HIVEP1: variants seen among roughly 807,000 people sequenced by gnomAD.
The protein encoded by HIVEP1 is HIVEP zinc finger 1.
In HIVEP1, 36 loss-of-function variants were observed where a neutral mutation model predicts 180.0. The observed-to-expected ratio is 0.20, with a 90% confidence interval of 0.15 to 0.26. The LOEUF is 0.26. HIVEP1 is among the 10% of genes least tolerant of loss of function. HIVEP1 has a pLI of 1.00. For missense variants in HIVEP1, 3,143 were observed against 3,268.7 expected, an observed-to-expected ratio of 0.96 and a Z score of 0.94; for synonymous variants, 1,239 against 1,239.0, an observed-to-expected ratio of 1.00 and a Z score of 0.00.
intron 2 of HIVEP1, among the ~76,000 whole-genome samples, chr6:12,036,686 C>G (rs1338807476): frequency 6.6e-6 from 1 of 152,146 alleles, no homozygotes; most frequent in African/African-American, 2.4e-5. Context: ...GGTGGATCAC[C>G]TGAGGTCAGG....
Position 12,062,741 on chromosome 6 carries a change from A to T in HIVEP1, c.41-26443A>T, listed in dbSNP as rs148138099. Among the ~76,000 whole-genome samples the T allele has an allele frequency of 1.6e-4, 24 of 152,298 alleles. No homozygotes were observed. The East Asian group carries it at 3.7e-3, about 23-fold the overall frequency. ...GTAACTGAGGTTTGGCTTATAAGTA[A>T]CTTGCTCAATGTCATAAAGATAAGA... On this transcript the variant is annotated intron_variant, in intron 2 of 8. Coordinates refer to ENST00000379388, the MANE Select transcript of HIVEP1 (RefSeq NM_002114.4).
Position 12,122,558 on chromosome 6 carries a change from G to C in HIVEP1, c.2763G>C (p.Glu921Asp), listed in dbSNP as rs981429647. Residue 921 changes from glutamate (E) to aspartate (D), a missense_variant, in exon 4 of 9, where the codon GAG becomes GAC. By Grantham distance (45) the Glu-to-Asp change is conservative (BLOSUM62 2). Transcript: ENST00000379388. ...TTGGTACTGGACAGTCCCTGGATGAGAGCCACCAAGGATGCCATGCTGCTG... is the reference window on the plus strand; with the variant it reads ...TTGGTACTGGACAGTCCCTGGATGACAGCCACCAAGGATGCCATGCTGCTG... ...HVLGTGQSLD[E>D]SHQGCHAAGE... 8 of 1,614,216 alleles carry C rather than the reference G, an allele frequency of 5.0e-6. No individual in the cohort carries two copies. The highest frequency in any genetic ancestry group is 6.8e-6 in the Non-Finnish European group (8 of 1,180,042).
At chr6:12,209,349 C>G in the HIVEP1 span, among the ~76,000 whole-genome samples, 2 of 152,152 alleles carry the variant, frequency 1.3e-5, no homozygotes, top group African/African-American at 2.4e-5. Flanking sequence ...AGGAGAATGG[C>G]GTGAACCCGG....
Position 12,136,261 on chromosome 6 carries a change from C to A in HIVEP1, c.6487+369C>A, listed in dbSNP as rs56176879. Among the ~76,000 whole-genome samples the A allele has an allele frequency of 3.1e-3, 478 of 152,226 alleles. 3 individuals carry two copies. The highest frequency in any genetic ancestry group is 5.6e-3 in the South Asian group (27 of 4,824). On this transcript the variant is annotated intron_variant, in intron 7 of 8. Transcript: ENST00000379388. ...TTCTCATTTCTCTCTTTTACCTACC[C>A]TCATGCTTGAATTTCCTGCCTACTT... is the stretch of plus-strand genomic sequence containing the variant.
chr6:12,064,862 G>A (rs988038557), intron 2 of HIVEP1, among the ~76,000 whole-genome samples: 4 of 152,210 alleles, frequency 2.6e-5, no homozygotes, highest in African/African-American at 9.6e-5. Context: ...ATTTCCCAGT[G>A]GGCCTTCATG....
chr6:12,024,463 A>G (rs375731623), intron 2 of HIVEP1, among the ~76,000 whole-genome samples: 4 of 152,158 alleles, frequency 2.6e-5, no homozygotes, highest in African/African-American at 9.7e-5. Context: ...TAAGAGTTAC[A>G]CCTACTTAAT....
At chr6:12,030,836 C>T (rs893139327) in intron 2 of HIVEP1, among the ~76,000 whole-genome samples, 5 of 152,108 alleles carry the variant, frequency 3.3e-5, no homozygotes, top group African/African-American at 1.2e-4. Flanking sequence ...TTTCTTATTT[C>T]TCTTCATGTC....
chr6:12,151,227 T>G (rs759302310), intron 7 of HIVEP1, among the ~76,000 whole-genome samples: 31 of 152,238 alleles, frequency 2.0e-4, no homozygotes, highest in Non-Finnish European at 2.1e-4. Context: ...TGTGCTGATA[T>G]AAAATTTTAT....
At chr6:12,048,269 G>A (rs779055189) in intron 2 of HIVEP1, among the ~76,000 whole-genome samples, 3 of 152,240 alleles carry the variant, frequency 2.0e-5, no homozygotes, top group Non-Finnish European at 4.4e-5. Flanking sequence ...CGCGGCAGCA[G>A]GGTATGTCAA....
upstream of HIVEP1, among the ~76,000 whole-genome samples, chr6:12,009,414 C>G (rs192083931): frequency 2.0e-5 from 3 of 152,304 alleles, no homozygotes; most frequent in East Asian, 5.8e-4. Context: ...GCTCCAGAAG[C>G]GTTCACGCGG....
chr6:12,186,257 A>G, the HIVEP1 span, among the ~76,000 whole-genome samples: 1 of 150,692 alleles, frequency 6.6e-6, no homozygotes, highest in East Asian at 1.9e-4. Flanking sequence ...ACATATATAC[A>G]TATTAATAAT....
At chr6:12,104,362 TTCTC>T (rs558381690) in intron 3 of HIVEP1, among the ~76,000 whole-genome samples, 5 of 150,038 alleles carry the variant, frequency 3.3e-5, no homozygotes, top group East Asian at 3.9e-4. Context: ...ATCTGACTTA[TTCTC>T]TCTCTCTCTC....
intron 3 of HIVEP1, among the ~76,000 whole-genome samples, chr6:12,116,783 C>T (rs115604473): frequency 2.2e-4 from 34 of 152,244 alleles, no homozygotes; most frequent in Middle Eastern, 6.8e-3. Context: ...TGATCTCAGG[C>T]AGTAGAAGAG....
chr6:12,089,937 T>C (rs1215136071), intron 3 of HIVEP1, among the ~76,000 whole-genome samples: 2 of 152,112 alleles, frequency 1.3e-5, no homozygotes, highest in Admixed American at 6.6e-5. Context: ...AGATATGTGT[T>C]AATAGTGGGA....
downstream of HIVEP1, among the ~76,000 whole-genome samples, chr6:12,167,982 CATGTAT>C (rs1760775554): frequency 3.8e-5 from 4 of 104,766 alleles, no homozygotes; most frequent in Admixed American, 1.1e-4. Flanking sequence ...TATACATGTA[CATGTAT>C]ATATGTATAT....
intron 7 of HIVEP1, among the ~76,000 whole-genome samples, chr6:12,152,614 G>A (rs3777758): frequency 0.065 from 9,919 of 152,240 alleles, 377 homozygotes; most frequent in Middle Eastern, 0.15. Context: ...AATATGTAAT[G>A]ATTCAAAATT....
Position 12,161,575 on chromosome 6 carries a change from A to G in HIVEP1, c.6624A>G (p.Ser2208=). Residue 2208 remains serine, a synonymous_variant, in exon 8 of 9, where the codon TCA becomes TCG. Coordinates refer to ENST00000379388, the MANE Select transcript of HIVEP1 (RefSeq NM_002114.4). ...AATCAGTCCTGTCAGCCACACCCTC[A>G]GTCACAGCTAGCCCGCAGCACCTTC... ...QAESVLSATP[S]VTASPQHLPS... is the part of the protein sequence containing the mutation. 1 of 1,614,112 alleles carries G rather than the reference A, an allele frequency of 6.2e-7. No individual in the cohort carries two copies. Among genetic ancestry groups the G allele is most frequent in the African/African-American group, 1.3e-5 (1 of 75,042 alleles).
chr6:12,024,533 T>A (rs1452204852), intron 2 of HIVEP1, among the ~76,000 whole-genome samples: 1 of 152,198 alleles, frequency 6.6e-6, no homozygotes, highest in Non-Finnish European at 1.5e-5. Flanking sequence ...TGTGTGCCTG[T>A]GTGACTAGAG....
At chr6:12,043,749 G>A (rs534013411) in intron 2 of HIVEP1, among the ~76,000 whole-genome samples, 24 of 152,186 alleles carry the variant, frequency 1.6e-4, no homozygotes, top group Non-Finnish European at 3.1e-4. Context: ...AGCATCAAGT[G>A]CAGAAGTTCT....
Sources: allele counts gnomAD v4.1 joint callset (sites outside exome capture counted in the v4.1 genomes callset), GRCh38; gene constraint gnomAD v4.1.1; transcripts MANE v1.5; gene names NCBI Gene and HGNC (gene_info 2026-07-23, HGNC 2026-07-21).